The following CD2 variants were observed in gnomAD, a reference collection of about 807,000 sequenced individuals.
CD2 encodes the protein CD2 molecule, also known as T-cell surface antigen CD2.
CD2 carries 18 observed loss-of-function variants against 23.2 expected under a neutral mutation model. The ratio of observed to expected loss-of-function variants is 0.77; its 90% CI spans 0.54 to 1.15. The LOEUF is 1.15. CD2 is among the 50% of genes most tolerant of loss of function. The pLI is 0.00. For missense variants in CD2, 424 were observed against 423.1 expected, an observed-to-expected ratio of 1.00 and a Z score of -0.02; for synonymous variants, 162 against 151.9, an observed-to-expected ratio of 1.07 and a Z score of -0.49.
chr1:116,759,220 A>C (rs1237507670), intron 2 of CD2, among the ~76,000 whole-genome samples: 1 of 152,208 alleles, frequency 6.6e-6, no homozygotes, highest in Non-Finnish European at 1.5e-5. Context: ...TTGGGATGAG[A>C]AGAAAACTTT....
At chr1:116,755,519 T>C (rs1651813718) in intron 2 of CD2, among the ~76,000 whole-genome samples, 1 of 152,164 alleles carries the variant, frequency 6.6e-6, no homozygotes, top group African/African-American at 2.4e-5. Context: ...GCACAAGGTG[T>C]GGCTTTGTAT....
At chr1:116,763,072 C>T (rs893168225) in intron 3 of CD2, among the ~76,000 whole-genome samples, 9 of 152,216 alleles carry the variant, frequency 5.9e-5, no homozygotes, top group Non-Finnish European at 1.0e-4. Flanking sequence ...TCCTGCCCCT[C>T]GTCCAAGCCA....
At chr1:116,768,358 C>A in intron 4 of CD2, 106 bp from the exon 5 acceptor site, 2 of 1,055,348 alleles carry the variant, frequency 1.9e-6, no homozygotes, top group Non-Finnish European at 2.7e-6. Flanking sequence ...TTCCTCATTG[C>A]ATCCCCCAAA....
intron 3 of CD2, among the ~76,000 whole-genome samples, chr1:116,762,114 G>A (rs1652073646): frequency 6.6e-6 from 1 of 152,210 alleles, no homozygotes; most frequent in Non-Finnish European, 1.5e-5. Context: ...ATAGGCATGA[G>A]TCACTGCAGT....
intron 4 of CD2, among the ~76,000 whole-genome samples, chr1:116,765,013 A>G (rs1355932290): frequency 6.6e-6 from 1 of 152,234 alleles, no homozygotes; most frequent in African/African-American, 2.4e-5. Flanking sequence ...TCCTAGAAAC[A>G]CAGGGAAAAT....
chr1:116,761,623 A>T (rs1652055898), intron 3 of CD2, among the ~76,000 whole-genome samples: 1 of 152,178 alleles, frequency 6.6e-6, no homozygotes, highest in Non-Finnish European at 1.5e-5. Context: ...TGTTCTGTTC[A>T]TTAGAAGCAA....
In CD2 at chr1:116,754,791, G is replaced by T; in HGVS notation, c.222G>T (p.Glu74Asp). The T allele has an allele frequency of 1.2e-6, 2 of 1,613,244 alleles. No homozygotes were observed. The highest frequency in any genetic ancestry group is 1.7e-6 in the Non-Finnish European group (2 of 1,179,754). The change falls in exon 2 of 5, where the codon GAG (glutamate) becomes GAT (aspartate). Residue 74 changes from glutamate to aspartate, a missense_variant. Physicochemically the swap from Glu to Asp is conservative, Grantham distance 45. Transcript: ENST00000369478. ...AAAAGATTGCACAATTCAGAAAAGA[G>T]AAAGAGACTTTCAAGGAAAAAGATA... Reference protein sequence around the residue: ...DKKKIAQFRKEKETFKEKDTY... With the variant: ...DKKKIAQFRKDKETFKEKDTY...
In CD2 at chr1:116,768,860, T is replaced by C; in HGVS notation, c.*77T>C. The C allele has an allele frequency of 7.1e-7, 1 of 1,399,012 alleles. No homozygotes were observed. 86.7% of individuals were successfully genotyped at this position (1,399,012 alleles called of 1,614,324 possible). On this transcript the variant is annotated 3_prime_UTR_variant, in exon 5 of 5. Coordinates refer to ENST00000369478, the MANE Select transcript of CD2 (RefSeq NM_001767.5). The stretch of plus-strand genomic sequence containing the variant: ...CCTGATGTGCATATCCGTACTTCCA[T>C]GAGGTGTTTTCTGTGTGCAGAACAT...
At chr1:116,768,438 A>C in intron 4 of CD2, 26 bp from the exon 5 acceptor site, 1 of 1,600,836 alleles carries the variant, frequency 6.2e-7, no homozygotes, top group Non-Finnish European at 8.5e-7. Flanking sequence ...GCCAAGATGA[A>C]CTCTATTGAG....
At chr1:116,760,935 C>T (rs1243130817) in intron 3 of CD2, among the ~76,000 whole-genome samples, 1 of 152,186 alleles carries the variant, frequency 6.6e-6, no homozygotes, top group Non-Finnish European at 1.5e-5. Flanking sequence ...GTATCTCATG[C>T]AAAGCCCCAT....
chr1:116,758,858 A>C (rs955948200), intron 2 of CD2, among the ~76,000 whole-genome samples: 1 of 152,216 alleles, frequency 6.6e-6, no homozygotes, highest in African/African-American at 2.4e-5. Flanking sequence ...ACAGAGACCT[A>C]GTCAGAAGCA....
chr1:116,765,417 G>C (rs1475901139), intron 4 of CD2, among the ~76,000 whole-genome samples: 1 of 152,176 alleles, frequency 6.6e-6, no homozygotes, highest in Non-Finnish European at 1.5e-5. Flanking sequence ...GCTGCCCAGG[G>C]AGGTGGTCCA....
At chr1:116,762,491 GGGT>G (rs1212777615) in intron 3 of CD2, among the ~76,000 whole-genome samples, 1 of 152,170 alleles carries the variant, frequency 6.6e-6, no homozygotes, top group African/African-American at 2.4e-5. Context: ...GGAGAGATTA[GGGT>G]GGAGGAGCTG....
chr1:116,761,159 C>T (rs1018673140), intron 3 of CD2, among the ~76,000 whole-genome samples: 8 of 152,184 alleles, frequency 5.3e-5, no homozygotes, highest in Admixed American at 4.6e-4. Context: ...TGGCACACAA[C>T]AGGACGGCAA....
chr1:116,762,386 G>T (rs927002330), intron 3 of CD2, among the ~76,000 whole-genome samples: 4 of 152,158 alleles, frequency 2.6e-5, no homozygotes, highest in African/African-American at 7.2e-5. Context: ...AGCAGCCAAG[G>T]TTTGAAGGCT....
At chr1:116,768,400 T>C in intron 4 of CD2, 64 bp from the exon 5 acceptor site, 1 of 1,470,080 alleles carries the variant, frequency 6.8e-7, no homozygotes, top group Non-Finnish European at 9.3e-7. Context: ...ATATAAAAGG[T>C]ACTCAATATT....
chr1:116,755,996 A>G (rs1026589032), intron 2 of CD2, among the ~76,000 whole-genome samples: 26 of 152,158 alleles, frequency 1.7e-4, no homozygotes, highest in Non-Finnish European at 2.5e-4. Context: ...CACAGAAAAT[A>G]TCACCAGAAG....
Position 116,760,612 on chromosome 1 carries a change from T to C in CD2, c.593T>C (p.Val198Ala). The C allele has an allele frequency of 6.2e-7, 1 of 1,614,204 alleles. No individual in the cohort carries two copies. Among genetic ancestry groups the C allele is most frequent in the Non-Finnish European group, 8.5e-7 (1 of 1,180,024 alleles). ...AGNKVSKESS[V>A]EPVSCPEKGL... ...AACAAAGTCAGCAAGGAATCCAGTGTCGAGCCTGTCAGCTGTCCAGGTGCG... is the reference window on the plus strand; with the variant it reads ...AACAAAGTCAGCAAGGAATCCAGTGCCGAGCCTGTCAGCTGTCCAGGTGCG... The change falls in exon 3 of 5, where the codon GTC becomes GCC. Residue 198 changes from valine (V) to alanine (A), a missense_variant. Transcript: ENST00000369478.
At chr1:116,768,336 G>C in intron 4 of CD2, 128 bp from the exon 5 acceptor site, 1 of 806,740 alleles carries the variant, frequency 1.2e-6, no homozygotes. Flanking sequence ...AGATAGTAGG[G>C]GCAACTTCTG....
Sources: gnomAD v4.1 joint callset for allele counts (sites outside exome capture counted in the v4.1 genomes callset) on GRCh38, gnomAD v4.1.1 for gene constraint, MANE v1.5 for transcripts, NCBI Gene and HGNC (gene_info 2026-07-23, HGNC 2026-07-21) for gene names.